Variants in RGS6 observed in about 807,000 individuals in gnomAD.
The protein encoded by RGS6 is regulator of G protein signaling 6, also known as regulator of G-protein signaling 6.
A neutral mutation model predicts 78.5 loss-of-function variants in RGS6; 30 were observed. That is an observed-to-expected ratio of 0.38 (90% CI 0.29 to 0.52). The LOEUF (loss-of-function observed/expected upper bound fraction) is 0.52. Ranked by LOEUF, RGS6 falls within the 20% of genes least tolerant of loss-of-function variation. The probability of loss-of-function intolerance (pLI) is 0.85; values close to 1 mark genes in which losing one functional copy is unlikely to be tolerated. For missense variants in RGS6, 495 were observed against 609.7 expected, an observed-to-expected ratio of 0.81 and a Z score of 1.98; for synonymous variants, 206 against 206.0, an observed-to-expected ratio of 1.00 and a Z score of 0.00.
At chr14:72,210,881 T>C (rs1018357892) in intron 2 of RGS6, among the ~76,000 whole-genome samples, 1 of 152,170 alleles carries the variant, frequency 6.6e-6, no homozygotes, top group African/African-American at 2.4e-5. Flanking sequence ...TACTCTGTAA[T>C]TGAGCAATAA....
chr14:72,347,267 C>T (rs1019594806), intron 2 of RGS6, among the ~76,000 whole-genome samples: 5 of 152,178 alleles, frequency 3.3e-5, no homozygotes, highest in African/African-American at 1.2e-4. Flanking sequence ...TATACCTTCC[C>T]ATCACCCCAT....
chr14:72,288,417 C>T (rs906728746), intron 2 of RGS6, among the ~76,000 whole-genome samples: 1 of 152,152 alleles, frequency 6.6e-6, no homozygotes, highest in South Asian at 2.1e-4. Flanking sequence ...CCAGGTGCAG[C>T]CCTCAATACT....
chr14:72,520,241 T>TTTA (rs2097017187), intron 15 of RGS6, among the ~76,000 whole-genome samples: 2 of 152,256 alleles, frequency 1.3e-5, no homozygotes, highest in Non-Finnish European at 2.9e-5. Context: ...ATTTATTTGA[T>TTTA]GAAGGATTTA....
intron 7 of RGS6, among the ~76,000 whole-genome samples, chr14:72,467,868 G>T (rs1456099961): frequency 6.6e-6 from 1 of 152,030 alleles, no homozygotes; most frequent in Admixed American, 6.5e-5. Flanking sequence ...TGTACTCTTT[G>T]TGCGCCCAGT....
At chr14:72,068,924 T>C (rs2094294393) in intron 2 of RGS6, among the ~76,000 whole-genome samples, 1 of 152,124 alleles carries the variant, frequency 6.6e-6, no homozygotes, top group Non-Finnish European at 1.5e-5. Context: ...ATATTTGGAT[T>C]TCTTCTCTTT....
At chr14:71,974,472 A>G (rs1004825119) in intron 2 of RGS6, among the ~76,000 whole-genome samples, 1 of 152,220 alleles carries the variant, frequency 6.6e-6, no homozygotes, top group Non-Finnish European at 1.5e-5. Flanking sequence ...AAGTTTGGAA[A>G]GAAATCAAAT....
chr14:72,164,340 C>T (rs1349810211), intron 2 of RGS6, among the ~76,000 whole-genome samples: 6 of 152,142 alleles, frequency 3.9e-5, no homozygotes, highest in Non-Finnish European at 8.8e-5. Flanking sequence ...GTTTCACTTA[C>T]CCTGTGAAGT....
At chr14:72,018,296 A>G (rs112781269) in intron 2 of RGS6, among the ~76,000 whole-genome samples, 19 of 152,194 alleles carry the variant, frequency 1.2e-4, no homozygotes, top group African/African-American at 4.6e-4. Flanking sequence ...ATACGCAATT[A>G]TATTCTTTTG....
intron 2 of RGS6, among the ~76,000 whole-genome samples, chr14:71,995,249 A>T (rs998457581): frequency 2.6e-5 from 4 of 152,288 alleles, no homozygotes; most frequent in South Asian, 4.1e-4. Flanking sequence ...CTGGAATTCT[A>T]TGTTCTTCTG....
chr14:72,334,112 G>A (rs1395795975), intron 2 of RGS6, among the ~76,000 whole-genome samples: 1 of 152,202 alleles, frequency 6.6e-6, no homozygotes, highest in Non-Finnish European at 1.5e-5. Context: ...GAATTCTGAA[G>A]CCAGCATATA....
At chr14:72,075,477 T>C (rs953211752) in intron 2 of RGS6, among the ~76,000 whole-genome samples, 3 of 152,154 alleles carry the variant, frequency 2.0e-5, no homozygotes, top group African/African-American at 7.2e-5. Context: ...CTCTTTTATA[T>C]TTTGTCTTTC....
At chr14:72,554,563 T>G (rs2097545520) in intron 17 of RGS6, among the ~76,000 whole-genome samples, 2 of 151,060 alleles carry the variant, frequency 1.3e-5, no homozygotes, top group East Asian at 2.0e-4. Context: ...GATGCCAGAG[T>G]CCATTTGGGA....
chr14:71,974,874 G>C (rs2094021091), intron 2 of RGS6, among the ~76,000 whole-genome samples: 1 of 152,214 alleles, frequency 6.6e-6, no homozygotes, highest in Non-Finnish European at 1.5e-5. Context: ...AGGCACGTTG[G>C]CTTACGCCTG....
chr14:71,981,915 C>G lies in RGS6; in HGVS notation c.84+17040C>G, dbSNP rs553638657. On this transcript the variant is annotated intron_variant, in intron 2 of 17. Transcript: ENST00000553525. ...TGCCGCCTTGCAGTTTGATCTCAGA[C>G]TGCTGTGCTAGCCATCAGCGAGACT... Among the ~76,000 whole-genome samples the G allele has an allele frequency of 3.8e-3, 573 of 150,828 alleles. 2 individuals carry two copies. Among genetic ancestry groups the G allele is most frequent in the Middle Eastern group, 0.014 (4 of 290 alleles).
At chr14:72,477,828 C>G (rs1375152622) in intron 11 of RGS6, among the ~76,000 whole-genome samples, 3 of 150,818 alleles carry the variant, frequency 2.0e-5, no homozygotes, top group Non-Finnish European at 3.0e-5. Flanking sequence ...AAAAAAAAAC[C>G]ACACAGAAAA....
At chr14:72,190,589 G>A (rs950384536) in intron 2 of RGS6, among the ~76,000 whole-genome samples, 1 of 152,190 alleles carries the variant, frequency 6.6e-6, no homozygotes, top group Non-Finnish European at 1.5e-5. Flanking sequence ...GCTACACCTG[G>A]ACAGAGACAG....
rs574302089 is a variant in RGS6, at chr14:72,323,372, A to G, written c.85-28723A>G. Among the ~76,000 whole-genome samples, 16 of 152,226 alleles carry G rather than the reference A, an allele frequency of 1.1e-4. No individual in the cohort carries two copies. In the South Asian group the frequency reaches 3.1e-3, roughly 30 times the overall value. On this transcript the variant is annotated intron_variant, in intron 2 of 17. Transcript: ENST00000553525. ...TGAAAAATGACTTAAACAAATGGAAAGGCATACTCTGTTTAACATAAAGAT... is the reference window on the plus strand; with the variant it reads ...TGAAAAATGACTTAAACAAATGGAAGGGCATACTCTGTTTAACATAAAGAT...
chr14:71,960,943 C>T (rs191435297), intron 1 of RGS6, among the ~76,000 whole-genome samples: 66 of 152,316 alleles, frequency 4.3e-4, no homozygotes, highest in African/African-American at 1.5e-3. Flanking sequence ...TTATTCCTAC[C>T]GGTCTCTGAA....
At chr14:72,296,274 T>C (rs573308960) in intron 2 of RGS6, among the ~76,000 whole-genome samples, 10 of 152,356 alleles carry the variant, frequency 6.6e-5, no homozygotes, top group Admixed American at 4.6e-4. Context: ...TATGGACACT[T>C]GGAATGTCTA....
Sources: allele counts gnomAD v4.1 joint callset (sites outside exome capture counted in the v4.1 genomes callset), GRCh38; gene constraint gnomAD v4.1.1; transcripts MANE v1.5; gene names NCBI Gene and HGNC (gene_info 2026-07-23, HGNC 2026-07-21).